The following BCAP29 variants were observed in gnomAD, a reference collection of about 807,000 sequenced individuals.
The protein encoded by BCAP29 is B cell receptor associated protein 29.
Under a neutral mutation model 31.8 loss-of-function variants are expected in BCAP29, and 34 were observed. The observed-to-expected ratio is 1.07, with a 90% CI of 0.81 to 1.42. The LOEUF is 1.42. BCAP29 is among the 40% of genes most tolerant of loss of function. BCAP29 has a pLI of 0.00. For synonymous variants in BCAP29, 104 were observed against 91.3 expected, an observed-to-expected ratio of 1.14 and a Z score of -0.79; for missense variants, 314 against 269.2, an observed-to-expected ratio of 1.17 and a Z score of -1.16.
intron 2 of BCAP29, among the ~76,000 whole-genome samples, chr7:107,581,457 A>AACTT (rs1300737445): frequency 6.6e-6 from 1 of 152,268 alleles, no homozygotes. Context: ...TTAGTGACGG[A>AACTT]ACTTCTAAGG....
chr7:107,583,635 G>T (rs1416186496), intron 2 of BCAP29, among the ~76,000 whole-genome samples: 3 of 151,940 alleles, frequency 2.0e-5, no homozygotes, highest in Admixed American at 1.3e-4. Flanking sequence ...CTCATGTATG[G>T]TTTACTTTTA....
In BCAP29 at chr7:107,597,075, G is replaced by A. The variant is rs151276692; in HGVS notation, c.480+1073G>A. 2.6e-5 allele frequency among the ~76,000 whole-genome samples: 4 copies of A among 152,328 alleles called. No homozygotes were observed. In the East Asian group the frequency reaches 7.7e-4, roughly 29 times the overall value. Reference sequence around the variant, plus strand: ...GAAAGTCTTTGAGCAGCACATAAAAGCAGCTGTCAGTGCCCAGAGTATAAC... The same window carrying A: ...GAAAGTCTTTGAGCAGCACATAAAAACAGCTGTCAGTGCCCAGAGTATAAC... On this transcript the variant is annotated intron_variant, in intron 5 of 7. Coordinates refer to ENST00000005259, the MANE Select transcript of BCAP29 (RefSeq NM_018844.4).
intron 4 of BCAP29, among the ~76,000 whole-genome samples, chr7:107,595,171 C>T (rs940075600): frequency 6.6e-6 from 1 of 152,176 alleles, no homozygotes; most frequent in Non-Finnish European, 1.5e-5. Context: ...CCTTCTGTGG[C>T]CATCACTACC....
intron 5 of BCAP29, among the ~76,000 whole-genome samples, chr7:107,599,874 A>G (rs1168329033): frequency 6.6e-6 from 1 of 152,192 alleles, no homozygotes; most frequent in Non-Finnish European, 1.5e-5. Context: ...AATAACAGTA[A>G]TTTGGAAACT....
chr7:107,593,572 G>A (rs1415604304), intron 3 of BCAP29, among the ~76,000 whole-genome samples: 1 of 152,166 alleles, frequency 6.6e-6, no homozygotes. Context: ...AAATGGGATA[G>A]TCTCTTGGAA....
At chr7:107,597,801 C>G (rs539027886) in intron 5 of BCAP29, among the ~76,000 whole-genome samples, 1 of 152,316 alleles carries the variant, frequency 6.6e-6, no homozygotes, top group Non-Finnish European at 1.5e-5. Flanking sequence ...ACAATTTCCA[C>G]GTGGTACCTA....
rs773979440 is a variant in BCAP29 at position 107,613,409 on chromosome 7, C to T, written c.667C>T (p.Leu223=). 156 of 1,610,752 alleles carry T rather than the reference C, an allele frequency of 9.7e-5. 2 individuals carry two copies. The South Asian group carries it at 1.6e-3, about 17-fold the overall frequency. The stretch of plus-strand genomic sequence containing the variant: ...ACTTTCGAAAGAATATGATCAACTC[C>T]TGAAAGAACACTCTGAACTTCAGGT... The part of the protein sequence containing the change: ...ERLSKEYDQL[L]KEHSELQDRL... Residue 223 remains leucine, a synonymous_variant, in exon 7 of 8, where the codon CTG becomes TTG. Coordinates refer to ENST00000005259, the MANE Select transcript of BCAP29 (RefSeq NM_018844.4).
At chr7:107,600,864 A>G (rs1166020358) in intron 6 of BCAP29, among the ~76,000 whole-genome samples, 1 of 152,242 alleles carries the variant, frequency 6.6e-6, no homozygotes, top group East Asian at 1.9e-4. Flanking sequence ...TTGTAGGGGA[A>G]CAGTTTTCTT....
chr7:107,610,807 T>C (rs567715898), intron 6 of BCAP29, among the ~76,000 whole-genome samples: 3 of 152,344 alleles, frequency 2.0e-5, no homozygotes, highest in South Asian at 4.1e-4. Context: ...GGTTGATATC[T>C]AAGATATATT....
intron 4 of BCAP29, among the ~76,000 whole-genome samples, chr7:107,594,656 T>C (rs550343487): frequency 6.6e-6 from 1 of 152,140 alleles, no homozygotes; most frequent in South Asian, 2.1e-4. Flanking sequence ...CGCCTGCCAC[T>C]GTGCCCTGCT....
chr7:107,623,006 A>G (rs1305925124), downstream of BCAP29: 1 of 152,140 alleles, frequency 6.6e-6, no homozygotes, highest in Non-Finnish European at 1.5e-5. Context: ...ATGTAAGTGG[A>G]AATAGGACTG....
At chr7:107,621,477 A>G (rs996667104), downstream of BCAP29, 2 of 314,046 alleles carry the variant, frequency 6.4e-6, no homozygotes, top group Non-Finnish European at 1.3e-5. Context: ...CTTAATTATG[A>G]CTTCCCAAAA....
intron 6 of BCAP29, among the ~76,000 whole-genome samples, chr7:107,604,944 A>C (rs1159117504): frequency 6.6e-6 from 1 of 152,156 alleles, no homozygotes; most frequent in African/African-American, 2.4e-5. Context: ...TTAGTTAGGT[A>C]AATAAAGGAT....
chr7:107,614,300 A>G (rs943353914), intron 7 of BCAP29, among the ~76,000 whole-genome samples: 2 of 152,198 alleles, frequency 1.3e-5, no homozygotes, highest in South Asian at 2.1e-4. Context: ...AGCATACACT[A>G]TACTCATAGA....
chr7:107,588,659 T>C (rs993593531), intron 3 of BCAP29, among the ~76,000 whole-genome samples: 3 of 152,158 alleles, frequency 2.0e-5, no homozygotes, highest in African/African-American at 7.2e-5. Context: ...TCCAACCGCT[T>C]TCCAGTCATG....
intron 3 of BCAP29, among the ~76,000 whole-genome samples, chr7:107,592,639 G>A (rs763871924): frequency 2.6e-5 from 4 of 152,174 alleles, no homozygotes; most frequent in Admixed American, 6.5e-5. Flanking sequence ...ATGAATGTTC[G>A]TAGCAGCGTT....
intron 3 of BCAP29, among the ~76,000 whole-genome samples, chr7:107,593,244 C>G (rs1042538999): frequency 3.3e-5 from 5 of 152,148 alleles, no homozygotes; most frequent in Non-Finnish European, 7.3e-5. Flanking sequence ...AAGGCAGATG[C>G]CTTCCCTAGT....
intron 6 of BCAP29, among the ~76,000 whole-genome samples, chr7:107,611,096 G>C (rs772041340): frequency 1.2e-4 from 18 of 152,098 alleles, no homozygotes; most frequent in Non-Finnish European, 2.2e-4. Context: ...AAAGGGAAAG[G>C]CAGCTCTCTG....
In BCAP29 at chr7:107,610,078, C is replaced by T. The variant is rs74728061; in HGVS notation, c.590-3254C>T. 6.1e-3 allele frequency among the ~76,000 whole-genome samples: 934 copies of T among 152,232 alleles called. 2 individuals carry two copies. The highest frequency in any genetic ancestry group is 7.6e-3 in the Non-Finnish European group (515 of 68,016). On this transcript the variant is annotated intron_variant, in intron 6 of 7. Coordinates refer to ENST00000005259, the MANE Select transcript of BCAP29 (RefSeq NM_018844.4). ...CTCCTCCCACTTTTGCAAATAGTTC[C>T]GTAAGTGAACGTTTGACACTTGGAA...
Sources: gnomAD v4.1 joint callset for allele counts (sites outside exome capture counted in the v4.1 genomes callset) on GRCh38, gnomAD v4.1.1 for gene constraint, MANE v1.5 for transcripts, NCBI Gene and HGNC (gene_info 2026-07-23, HGNC 2026-07-21) for gene names.